Variants in TGIF1 observed in about 807,000 individuals in gnomAD.
The protein encoded by TGIF1 is TGFB induced factor homeobox 1.
A neutral mutation model predicts 19.3 loss-of-function variants in TGIF1; 4 were observed. That is an observed-to-expected ratio of 0.21 (90% CI 0.10 to 0.47). The LOEUF is 0.47. TGIF1 is among the 20% of genes least tolerant of loss of function. The probability of loss-of-function intolerance (pLI) is 0.98; values close to 1 mark genes in which losing one functional copy is unlikely to be tolerated. For missense variants in TGIF1, 275 were observed against 341.4 expected, an observed-to-expected ratio of 0.81 and a Z score of 1.53; for synonymous variants, 122 against 129.3, an observed-to-expected ratio of 0.94 and a Z score of 0.38.
intron 1 of TGIF1, chr18:3,413,030 A>T (rs1282920699): frequency 1.3e-5 from 2 of 151,850 alleles, no homozygotes; most frequent in African/African-American, 4.8e-5. Context: ...AACACCAAAA[A>T]CCTCACAAGG....
Position 3,458,085 on chromosome 18 carries a change from T to A in TGIF1, c.*145T>A, listed in dbSNP as rs1248423071. ...CTTCCTGTTACTGAGATGTCTTCAA[T>A]GGAATACAGTCATTCCAAGAACTAT... On this transcript the variant is annotated 3_prime_UTR_variant, in exon 3 of 3. Coordinates refer to ENST00000343820, the MANE Select transcript of TGIF1 (RefSeq NM_003244.4). 1 of 699,032 alleles carries A rather than the reference T, an allele frequency of 1.4e-6. No homozygotes were observed. The highest frequency in any genetic ancestry group is 2.4e-6 in the Non-Finnish European group (1 of 415,192). 43.3% of individuals were successfully genotyped at this position (699,032 alleles called of 1,614,324 possible). A position where few individuals can be genotyped will look rare whatever the true frequency, so the allele number is the denominator to read the frequency against.
In TGIF1 at chr18:3,456,165, GCC is replaced by G; in HGVS notation, c.17-188_17-187del. 1.5e-6 allele frequency: 1 copy of G among 688,176 alleles called. No individual in the cohort carries two copies. Among genetic ancestry groups the G allele is most frequent in the Non-Finnish European group, 2.6e-6 (1 of 382,224 alleles). The allele number at this position is 688,176 out of a possible 1,614,324, so 42.6% of individuals were successfully genotyped here. ...AAAGGCATCTGGCATTTGGTTGAGA[GCC>G]TCCTATGTGGTGCTAGTCAAACTAC... On this transcript the variant is annotated intron_variant, in intron 1 of 2. Transcript: ENST00000343820. The surrounding 1 kb of genome is among the most constrained non-coding windows in gnomAD (Gnocchi z 4.2).
chr18:3,450,225 AG>A lies in TGIF1; in HGVS notation c.-261del. 1 of 1,407,180 alleles carries A rather than the reference AG, an allele frequency of 7.1e-7. No individual in the cohort carries two copies. The highest frequency in any genetic ancestry group is 9.2e-7 in the Non-Finnish European group (1 of 1,083,708). The allele number at this position is 1,407,180 out of a possible 1,614,324, so 87.2% of individuals were successfully genotyped here. A position where few individuals can be genotyped will look rare whatever the true frequency, so the allele number is the denominator to read the frequency against. ...AGGAGCAGGGAACAAAGGAGCGGAG[AG>A]GGGAGGGGAGAGAGTTGGGCGAGGG... On this transcript the variant is annotated 5_prime_UTR_variant, in exon 1 of 3. Transcript: ENST00000343820.
chr18:3,436,814 A>G (rs1036134544), intron 2 of TGIF1, among the ~76,000 whole-genome samples: 1 of 150,198 alleles, frequency 6.7e-6, no homozygotes, highest in African/African-American at 2.5e-5. Flanking sequence ...GGGAGACTCA[A>G]AAAAAGAGGG....
At chr18:3,417,654 C>T (rs1041097762) in intron 1 of TGIF1, among the ~76,000 whole-genome samples, 30 of 151,996 alleles carry the variant, frequency 2.0e-4, no homozygotes, top group Admixed American at 1.8e-3. Context: ...GTGTATATAT[C>T]TATCATTGAG....
chr18:3,451,868 G>T lies in TGIF1; in HGVS notation c.16+1363G>T. ...GAGAAAACGCGCGGGGGGCGTCCGA[G>T]ACGCCCCGTGAAAGCCGTGCCGACC... is the stretch of plus-strand genomic sequence containing the variant. On this transcript the variant is annotated intron_variant, in intron 1 of 2. Coordinates refer to ENST00000343820, the MANE Select transcript of TGIF1 (RefSeq NM_003244.4). This position sits in a 1 kb window ranked among gnomAD's most constrained non-coding sequence, Gnocchi z 5.4. The T allele has an allele frequency of 2.1e-6, 3 of 1,423,226 alleles. No homozygotes were observed. The highest frequency in any genetic ancestry group is 1.7e-5 in the South Asian group (1 of 57,886). 88.2% of individuals were successfully genotyped at this position (1,423,226 alleles called of 1,614,324 possible).
chr18:3,453,457 C>G (rs551260862), intron 1 of TGIF1, among the ~76,000 whole-genome samples: 1 of 152,014 alleles, frequency 6.6e-6, no homozygotes, highest in South Asian at 2.1e-4. Context: ...GAGGCCTAGG[C>G]GAGCAGATCA....
chr18:3,444,403 A>G (rs1598883095), intron 2 of TGIF1, among the ~76,000 whole-genome samples: 1 of 150,974 alleles, frequency 6.6e-6, no homozygotes, highest in African/African-American at 2.4e-5. Flanking sequence ...ATATTATTTC[A>G]TCATCCAGAT....
chr18:3,432,670 A>T (rs542542234), intron 2 of TGIF1, among the ~76,000 whole-genome samples: 12 of 152,292 alleles, frequency 7.9e-5, no homozygotes, highest in Non-Finnish European at 1.3e-4. Flanking sequence ...GTGTTTGTCT[A>T]TATGGAAAAT....
upstream of TGIF1, among the ~76,000 whole-genome samples, chr18:3,445,759 GAAAAGC>G (rs2082736028): frequency 6.3e-5 from 2 of 31,524 alleles, no homozygotes; most frequent in Non-Finnish European, 9.7e-5. Flanking sequence ...AAAAAGAGAA[GAAAAGC>G]AAAAAAAAAA....
intron 2 of TGIF1, among the ~76,000 whole-genome samples, chr18:3,430,083 G>A (rs2082527571): frequency 1.3e-5 from 2 of 152,226 alleles, no homozygotes. Context: ...TTGAAATTGG[G>A]AGGCAGGGGT....
upstream of TGIF1, chr18:3,447,548 A>AC (rs1450543434): frequency 1.3e-5 from 9 of 701,176 alleles, no homozygotes; most frequent in African/African-American, 8.8e-5. Flanking sequence ...CGTTGCGCTG[A>AC]CCCTAGGCAC....
chr18:3,448,120 T>C (rs575974063), upstream of TGIF1: 327 of 981,574 alleles, frequency 3.3e-4, 2 homozygotes, highest in African/African-American at 5.6e-3. Flanking sequence ...TTTTGTGGAG[T>C]GGCTTCGAAA....
At chr18:3,450,731 GCACGTTGTC>G (rs2082886789) in intron 1 of TGIF1, among the ~76,000 whole-genome samples, 1 of 152,238 alleles carries the variant, frequency 6.6e-6, no homozygotes. Context: ...CACGCTGCTG[GCACGTTGTC>G]AAGAAACACG....
intron 1 of TGIF1, chr18:3,415,516 A>G (rs1202918638): frequency 4.4e-6 from 2 of 450,412 alleles, no homozygotes; most frequent in South Asian, 1.6e-5. Context: ...GAAGACAGCA[A>G]TGGTGCCAGC....
chr18:3,417,948 G>A (rs952818393), intron 1 of TGIF1, among the ~76,000 whole-genome samples: 2 of 151,994 alleles, frequency 1.3e-5, no homozygotes, highest in African/African-American at 4.8e-5. Context: ...AAAAAAGTGG[G>A]GAGTTATTCT....
chr18:3,426,251 G>A (rs533230843), intron 2 of TGIF1, among the ~76,000 whole-genome samples: 6 of 143,582 alleles, frequency 4.2e-5, no homozygotes, highest in East Asian at 2.1e-4. Context: ...TCACTGCAAC[G>A]TCCTCCTCCT....
chr18:3,450,540 G>A (rs1336632652), intron 1 of TGIF1, 35 bp downstream of exon 1: 1 of 1,556,006 alleles, frequency 6.4e-7, no homozygotes. Flanking sequence ...ACCAGAAGAC[G>A]CGAGTCCGGG....
intron 1 of TGIF1, among the ~76,000 whole-genome samples, chr18:3,414,344 T>A (rs746854183): frequency 2.6e-5 from 4 of 152,244 alleles, no homozygotes; most frequent in African/African-American, 4.8e-5. Context: ...CTAGAATTGA[T>A]ATTCTCATTT....
Sources: gnomAD v4.1 joint callset for allele counts (sites outside exome capture counted in the v4.1 genomes callset) on GRCh38, gnomAD v4.1.1 for gene constraint, Gnocchi (gnomAD v3.1) non-coding constraint, MANE v1.5 for transcripts, NCBI Gene and HGNC (gene_info 2026-07-23, HGNC 2026-07-21) for gene names.